Variants in CHRM5 observed in about 807,000 individuals in gnomAD.
CHRM5 encodes the protein cholinergic receptor muscarinic 5.
In CHRM5, 18 loss-of-function variants were observed where a neutral mutation model predicts 39.0. The ratio of observed to expected loss-of-function variants is 0.46; its 90% CI spans 0.32 to 0.68. The LOEUF is 0.68. Ranked by LOEUF, CHRM5 falls within the 30% of genes least tolerant of loss-of-function variation. The pLI, the probability that CHRM5 is intolerant of heterozygous loss-of-function variation, is 0.04. For synonymous variants in CHRM5, 241 were observed against 246.3 expected, an observed-to-expected ratio of 0.98 and a Z score of 0.20; for missense variants, 515 against 651.1, an observed-to-expected ratio of 0.79 and a Z score of 2.28.
At chr15:34,060,827 G>A (rs1456789471) in intron 2 of CHRM5, among the ~76,000 whole-genome samples, 2 of 152,110 alleles carry the variant, frequency 1.3e-5, no homozygotes, top group Non-Finnish European at 2.9e-5. Flanking sequence ...CCGAGATGGT[G>A]CCACTACACT....
chr15:34,007,782 G>T (rs1401229540), intron 1 of CHRM5, among the ~76,000 whole-genome samples: 3 of 152,192 alleles, frequency 2.0e-5, no homozygotes, highest in Admixed American at 2.0e-4. Flanking sequence ...TGAAATCTGG[G>T]TATTGGTAGG....
chr15:34,011,567 G>T (rs1298965330), intron 1 of CHRM5, among the ~76,000 whole-genome samples: 3 of 152,166 alleles, frequency 2.0e-5, no homozygotes, highest in African/African-American at 7.2e-5. Context: ...TCTAGCAAAA[G>T]AAGTATATAC....
chr15:34,053,319 A>AAAAAAATATATATATAT (rs775436850), intron 2 of CHRM5, among the ~76,000 whole-genome samples: 2 of 42,098 alleles, frequency 4.8e-5, no homozygotes, highest in African/African-American at 1.6e-4. Context: ...AAAAAAAAAA[A>AAAAAAATATATATATAT]ATATATATAT....
intron 2 of CHRM5, among the ~76,000 whole-genome samples, chr15:34,059,401 C>T (rs761947864): frequency 2.8e-4 from 43 of 152,146 alleles, no homozygotes; most frequent in Non-Finnish European, 6.0e-4. Context: ...ATTCAGCAAG[C>T]GGTCAGATCA....
At chr15:33,975,100 G>T (rs1230342386) in intron 1 of CHRM5, among the ~76,000 whole-genome samples, 5 of 152,130 alleles carry the variant, frequency 3.3e-5, no homozygotes, top group Non-Finnish European at 4.4e-5. Context: ...GATCTGCCCT[G>T]GTTGGGTTGA....
At chr15:34,026,591 C>T (rs922887682) in intron 1 of CHRM5, among the ~76,000 whole-genome samples, 2 of 151,830 alleles carry the variant, frequency 1.3e-5, no homozygotes, top group Non-Finnish European at 2.9e-5. Flanking sequence ...ATCAGGTACT[C>T]AAATTTTCCA....
intron 2 of CHRM5, among the ~76,000 whole-genome samples, chr15:34,059,149 G>A (rs527595250): frequency 6.7e-6 from 1 of 149,318 alleles, no homozygotes; most frequent in Admixed American, 6.6e-5. Flanking sequence ...CACCCGCCTC[G>A]GCCTCCCAAA....
At chr15:34,060,973 G>A (rs1231607975) in intron 2 of CHRM5, among the ~76,000 whole-genome samples, 2 of 149,180 alleles carry the variant, frequency 1.3e-5, no homozygotes, top group Non-Finnish European at 3.0e-5. Context: ...CCGAGATAGC[G>A]CCACTGTACT....
intron 1 of CHRM5, among the ~76,000 whole-genome samples, chr15:34,041,441 T>C (rs1899474472): frequency 1.3e-5 from 2 of 152,194 alleles, no homozygotes; most frequent in South Asian, 4.1e-4. Context: ...TCCAATGTAG[T>C]GAGAGACGAG....
intron 1 of CHRM5, among the ~76,000 whole-genome samples, chr15:33,996,296 C>T (rs1260613119): frequency 2.6e-5 from 4 of 151,876 alleles, no homozygotes; most frequent in Admixed American, 2.6e-4. Flanking sequence ...CAGACTTAAA[C>T]GTCCCTGTCT....
At chr15:34,047,857 T>C (rs902773835) in intron 2 of CHRM5, among the ~76,000 whole-genome samples, 1 of 152,042 alleles carries the variant, frequency 6.6e-6, no homozygotes, top group Non-Finnish European at 1.5e-5. Flanking sequence ...CAAGTAATCC[T>C]CCCACCTCAG....
intron 2 of CHRM5, 134 bp from the exon 3 acceptor site, chr15:34,062,509 C>T (rs1378961491): frequency 2.8e-4 from 142 of 505,134 alleles, no homozygotes; most frequent in Admixed American, 2.8e-4. Flanking sequence ...GAGCTGAGAT[C>T]GCACCACTGC....
At position 34,063,415 on chromosome 15, in the gene CHRM5, C is replaced by G; in HGVS notation, c.698C>G (p.Ser233Cys). 1 of 1,613,996 alleles carries G rather than the reference C, an allele frequency of 6.2e-7. No individual in the cohort carries two copies. The highest frequency in any genetic ancestry group is 8.5e-7 in the Non-Finnish European group (1 of 1,180,048). Reference sequence around the variant, plus strand: ...AAGGACCTGGCTGACCTCCAGGGTTCTGACTCTGTGACCAAAGCTGAGAAG... The same window carrying G: ...AAGGACCTGGCTGACCTCCAGGGTTGTGACTCTGTGACCAAAGCTGAGAAG... ...RTKDLADLQG[S>C]DSVTKAEKRK... The change falls in exon 3 of 3, where the codon TCT becomes TGT. Residue 233 changes from serine to cysteine, a missense_variant. Physicochemically the swap from Ser to Cys is moderately radical, Grantham distance 112. Coordinates refer to ENST00000383263, the MANE Select transcript of CHRM5 (RefSeq NM_012125.4). This position sits in a 1 kb window ranked among gnomAD's most constrained non-coding sequence, Gnocchi z 4.1.
At position 34,036,210 on chromosome 15, in the gene CHRM5, C is replaced by T. The variant is rs954638084; in HGVS notation, c.-407-10330C>T. Among the ~76,000 whole-genome samples the T allele has an allele frequency of 1.3e-5, 2 of 151,992 alleles. 1 individual carries two copies. Among genetic ancestry groups the T allele is most frequent in the African/African-American group, 4.8e-5 (2 of 41,360 alleles). ...ATAATCAGTAAGCTTAGAGCTCAGA[C>T]CATTTACAGAAGGAATGATTTAAGA... is the stretch of plus-strand genomic sequence containing the variant. On this transcript the variant is annotated intron_variant, in intron 1 of 2. Coordinates refer to ENST00000383263, the MANE Select transcript of CHRM5 (RefSeq NM_012125.4).
intron 1 of CHRM5, among the ~76,000 whole-genome samples, chr15:34,002,194 G>T (rs185666314): frequency 2.0e-5 from 3 of 152,116 alleles, no homozygotes; most frequent in Admixed American, 2.0e-4. Flanking sequence ...GCACACGTGT[G>T]TATATTAAGT....
At chr15:34,057,468 GC>G (rs1900200060) in intron 2 of CHRM5, among the ~76,000 whole-genome samples, 1 of 152,208 alleles carries the variant, frequency 6.6e-6, no homozygotes, top group Non-Finnish European at 1.5e-5. Context: ...TGCTCTTGTT[GC>G]TGGATTGCTA....
At chr15:33,992,398 AG>A (rs199608070) in intron 1 of CHRM5, among the ~76,000 whole-genome samples, 1 of 152,288 alleles carries the variant, frequency 6.6e-6, no homozygotes, top group East Asian at 1.9e-4. Context: ...TCAAAAAAAA[AG>A]AAAAAAGAAA....
At chr15:34,057,911 C>T (rs1900213916) in intron 2 of CHRM5, among the ~76,000 whole-genome samples, 1 of 152,180 alleles carries the variant, frequency 6.6e-6, no homozygotes, top group Non-Finnish European at 1.5e-5. Context: ...AAATTATTTT[C>T]TTTTCCCTTT....
intron 1 of CHRM5, among the ~76,000 whole-genome samples, chr15:34,030,415 G>A (rs986015997): frequency 1.6e-4 from 25 of 151,566 alleles, no homozygotes; most frequent in African/African-American, 4.4e-4. Flanking sequence ...GCGCAATCTC[G>A]CTTCACTGCA....
Sources: gnomAD v4.1 joint callset for allele counts (sites outside exome capture counted in the v4.1 genomes callset) on GRCh38, gnomAD v4.1.1 for gene constraint, Gnocchi (gnomAD v3.1) non-coding constraint, MANE v1.5 for transcripts, NCBI Gene and HGNC (gene_info 2026-07-23, HGNC 2026-07-21) for gene names.